PSMB5: variants seen among roughly 807,000 people sequenced by gnomAD.
PSMB5 encodes proteasome 20S subunit beta 5, also known as proteasome subunit beta type-5.
PSMB5 carries 2 observed loss-of-function variants against 22.8 expected under a neutral mutation model. The ratio of observed to expected loss-of-function variants is 0.09; its 90% CI spans 0.04 to 0.28. The LOEUF is 0.28. Among genes scored for constraint, PSMB5 ranks in the 10% least tolerant of loss-of-function variants. PSMB5 has a pLI of 1.00. For missense variants in PSMB5, 269 were observed against 343.8 expected, an observed-to-expected ratio of 0.78 and a Z score of 1.72; for synonymous variants, 133 against 135.3, an observed-to-expected ratio of 0.98 and a Z score of 0.12.
At chr14:23,027,969 C>A in intron 2 of PSMB5, 2 of 497,482 alleles carry the variant, frequency 4.0e-6, no homozygotes, top group South Asian at 3.8e-5. Context: ...CATGGAGAAA[C>A]CCTGTCTCTA....
intron 2 of PSMB5, among the ~76,000 whole-genome samples, chr14:23,028,947 C>T (rs2046934538): frequency 6.6e-6 from 1 of 152,222 alleles, no homozygotes; most frequent in Admixed American, 6.5e-5. Flanking sequence ...GCCACAAACC[C>T]ACGCTTCCTC....
intron 1 of PSMB5, among the ~76,000 whole-genome samples, 187 bp from the exon 2 acceptor site, chr14:23,033,861 A>C (rs886895673): frequency 2.6e-5 from 4 of 152,196 alleles, no homozygotes; most frequent in African/African-American, 7.2e-5. Flanking sequence ...CTTGACATGG[A>C]TATAACCCAT....
At chr14:23,028,695 C>T (rs939012863) in intron 2 of PSMB5, among the ~76,000 whole-genome samples, 4 of 152,040 alleles carry the variant, frequency 2.6e-5, no homozygotes, top group Non-Finnish European at 4.4e-5. Flanking sequence ...TGTGCAACAC[C>T]GGCAGAGTTA....
At chr14:23,030,196 C>T (rs1440560651) in intron 2 of PSMB5, among the ~76,000 whole-genome samples, 2 of 148,132 alleles carry the variant, frequency 1.4e-5, no homozygotes, top group South Asian at 2.4e-4. Flanking sequence ...CTTTTAAAAA[C>T]GGTATTTATC....
chr14:23,028,694 C>T (rs1197647674), intron 2 of PSMB5, among the ~76,000 whole-genome samples: 1 of 152,102 alleles, frequency 6.6e-6, no homozygotes, highest in Admixed American at 6.5e-5. Flanking sequence ...TTGTGCAACA[C>T]CGGCAGAGTT....
chr14:23,026,362 C>A lies in PSMB5; in HGVS notation c.519G>T (p.Val173=), dbSNP rs2046913263. 1 of 1,613,830 alleles carries A rather than the reference C, an allele frequency of 6.2e-7. No individual in the cohort carries two copies. The highest frequency in any genetic ancestry group is 1.1e-5 in the South Asian group (1 of 91,072). ...WDKRGPGLYY[V]DSEGNRISGA... Reference sequence around the variant, plus strand: ...CTGAAATCCGGTTCCCTTCACTGTCCACGTAGTAGAGGCCTGGAAAGGGAG... The same window carrying A: ...CTGAAATCCGGTTCCCTTCACTGTCAACGTAGTAGAGGCCTGGAAAGGGAG... The change falls in exon 3 of 3, where the codon GTG becomes GTT. Residue 173 remains valine, a synonymous_variant. Transcript: ENST00000361611.
upstream of PSMB5, chr14:23,034,964 T>G: frequency 6.7e-7 from 1 of 1,493,282 alleles, no homozygotes. Flanking sequence ...CAGCTTCACT[T>G]CCTATTAAAT....
At chr14:23,033,056 G>A (rs1460111349) in intron 2 of PSMB5, among the ~76,000 whole-genome samples, 1 of 151,426 alleles carries the variant, frequency 6.6e-6, no homozygotes, top group Non-Finnish European at 1.5e-5. Flanking sequence ...ACAGGCGCCC[G>A]CCACCACGCC....
chr14:23,034,071 T>C lies in PSMB5; in HGVS notation c.199-397A>G, dbSNP rs1243981272. Among the ~76,000 whole-genome samples, 3 of 147,616 alleles carry C rather than the reference T, an allele frequency of 2.0e-5. No individual in the cohort carries two copies. The East Asian group carries it at 5.9e-4, about 29-fold the overall frequency. On this transcript the variant is annotated intron_variant, in intron 1 of 2. Transcript: ENST00000361611. ...CTATAGTGTCAGCTACTCTGGAGGC[T>C]GAGGCGCTGGAGCCACTGCACTCCA... is the stretch of plus-strand genomic sequence containing the variant.
chr14:23,026,580 GC>G (rs2046915518), intron 2 of PSMB5, among the ~76,000 whole-genome samples: 1 of 151,672 alleles, frequency 6.6e-6, no homozygotes, highest in South Asian at 2.1e-4. Flanking sequence ...TTCCCAGGTA[GC>G]TAGGATTACA....
At chr14:23,027,794 C>T in intron 2 of PSMB5, 2 of 1,548,306 alleles carry the variant, frequency 1.3e-6, no homozygotes, top group Non-Finnish European at 1.7e-6. Context: ...AAGTACATTC[C>T]AAATGACTTA....
chr14:23,032,526 A>T (rs2046960337), intron 2 of PSMB5, among the ~76,000 whole-genome samples: 1 of 152,254 alleles, frequency 6.6e-6, no homozygotes, highest in African/African-American at 2.4e-5. Context: ...CCAATACAGT[A>T]GCCACAAGCC....
intron 2 of PSMB5, among the ~76,000 whole-genome samples, chr14:23,028,215 C>G (rs2139914324): frequency 6.6e-6 from 1 of 152,260 alleles, no homozygotes; most frequent in South Asian, 2.1e-4. Context: ...CACTTGAGCC[C>G]AGGAGGTTGA....
At chr14:23,034,624 G>A (rs781489076) in intron 1 of PSMB5, 60 bp downstream of exon 1, 4 of 1,580,928 alleles carry the variant, frequency 2.5e-6, no homozygotes, top group Non-Finnish European at 3.4e-6. Context: ...GGTCAGGCTG[G>A]GAGGCCAGGC....
At chr14:23,029,845 G>C (rs553542170) in intron 2 of PSMB5, among the ~76,000 whole-genome samples, 3 of 150,796 alleles carry the variant, frequency 2.0e-5, no homozygotes, top group Non-Finnish European at 4.4e-5. Flanking sequence ...GCAGTGGCAC[G>C]ATCTCAGCTC....
At chr14:23,030,718 G>C (rs2139917796) in intron 2 of PSMB5, among the ~76,000 whole-genome samples, 1 of 152,196 alleles carries the variant, frequency 6.6e-6, no homozygotes, top group East Asian at 1.9e-4. Flanking sequence ...CCCGAGGTCA[G>C]GAGTTTAAGA....
upstream of PSMB5, chr14:23,035,171 G>A (rs2046983109): frequency 5.0e-6 from 2 of 398,244 alleles, no homozygotes; most frequent in Non-Finnish European, 8.9e-6. Flanking sequence ...CAAAATCACA[G>A]GAAGTGACTG....
intron 1 of PSMB5, chr14:23,034,474 AC>A (rs1314673268): frequency 2.0e-5 from 12 of 594,630 alleles, no homozygotes; most frequent in South Asian, 6.5e-5. Context: ...CCCCCGACTT[AC>A]CCCCGGCCCC....
In PSMB5 at chr14:23,028,197, A is replaced by G. The variant is rs114527385; in HGVS notation, c.506-1822T>C. 3.9e-3 allele frequency among the ~76,000 whole-genome samples: 596 copies of G among 152,234 alleles called. 4 individuals are homozygous for G. The highest frequency in any genetic ancestry group is 0.014 in the African/African-American group (580 of 41,536). On this transcript the variant is annotated intron_variant, in intron 2 of 2. Coordinates refer to ENST00000361611, the MANE Select transcript of PSMB5 (RefSeq NM_002797.5). Reference sequence around the variant, plus strand: ...CACTCCCCCATCAAAAGACCCCATAATCCCAGTCACTTGAGCCCAGGAGGT... The same window carrying G: ...CACTCCCCCATCAAAAGACCCCATAGTCCCAGTCACTTGAGCCCAGGAGGT...
Sources: gnomAD v4.1 joint callset for allele counts (sites outside exome capture counted in the v4.1 genomes callset) on GRCh38, gnomAD v4.1.1 for gene constraint, MANE v1.5 for transcripts, NCBI Gene and HGNC (gene_info 2026-07-23, HGNC 2026-07-21) for gene names.